CCNA1: variants seen among roughly 807,000 people sequenced by gnomAD.
CCNA1 encodes the protein cyclin-A1.
CCNA1 carries 23 observed loss-of-function variants against 54.1 expected under a neutral mutation model. The ratio of observed to expected loss-of-function variants is 0.42; its 90% CI spans 0.31 to 0.60. CCNA1 has a LOEUF of 0.60. CCNA1 is among the 20% of genes least tolerant of loss of function. The pLI, the probability that CCNA1 is intolerant of heterozygous loss-of-function variation, is 0.14. For synonymous variants in CCNA1, 208 were observed against 213.9 expected (o/e 0.97, Z 0.24); for missense variants, 450 against 556.7 (o/e 0.81, Z 1.93).
chr13:36,436,111 A>C (rs1385750823), intron 2 of CCNA1, among the ~76,000 whole-genome samples: 1 of 152,194 alleles, frequency 6.6e-6, no homozygotes, highest in Non-Finnish European at 1.5e-5. Flanking sequence ...TGATTGGCTT[A>C]CTTACTCTCC....
At chr13:36,431,659 G>C (rs1397991522), upstream of CCNA1, 2 of 152,376 alleles carry the variant, frequency 1.3e-5, no homozygotes, top group Non-Finnish European at 2.9e-5. Flanking sequence ...ACATGCACCG[G>C]GAGCCGGGCG....
chr13:36,440,529 T>A (rs1038617789), intron 6 of CCNA1, among the ~76,000 whole-genome samples: 1 of 152,214 alleles, frequency 6.6e-6, no homozygotes, highest in Admixed American at 6.5e-5. Flanking sequence ...TTTAGTCTCA[T>A]CCTAATATAT....
At chr13:36,435,465 A>C (rs1476238664) in intron 2 of CCNA1, among the ~76,000 whole-genome samples, 1 of 152,184 alleles carries the variant, frequency 6.6e-6, no homozygotes, top group Non-Finnish European at 1.5e-5. Flanking sequence ...TCCTCGACTG[A>C]TCAGCATTAT....
intron 5 of CCNA1, among the ~76,000 whole-genome samples, chr13:36,439,338 G>T (rs1023885747): frequency 6.6e-6 from 1 of 152,166 alleles, no homozygotes; most frequent in Non-Finnish European, 1.5e-5. Context: ...GGAAAAGAGA[G>T]CTGGGTTGTG....
rs766731424 is a variant in CCNA1, at chr13:36,433,150, C to T, written c.226C>T (p.Gln76Ter). The change falls in exon 2 of 9, where the codon CAG becomes TAG. Residue 76 changes from glutamine (Q) to a stop codon, truncating the protein, a stop_gained. Coordinates refer to ENST00000255465, the MANE Select transcript of CCNA1 (RefSeq NM_003914.4). LOFTEE classifies it high-confidence loss of function. ...GATACTCACCAGAGCCCCGCTGGGCCAGGATCCCCCGCAGAGGACAGTGCT... is the reference window on the plus strand; with the variant it reads ...GATACTCACCAGAGCCCCGCTGGGCTAGGATCCCCCGCAGAGGACAGTGCT... 1.9e-6 allele frequency: 3 copies of T among 1,614,194 alleles called. No homozygotes were observed.
At chr13:36,432,382 C>A, upstream of CCNA1, 1 of 290,208 alleles carries the variant, frequency 3.4e-6, no homozygotes, top group South Asian at 5.0e-5. Context: ...CCTGCCCTTC[C>A]CTGCCCTTCC....
rs780245698 is a variant in CCNA1, at chr13:36,442,659, A to G, written c.1392A>G (p.Leu464=). The change falls in exon 9 of 9, where the codon CTA becomes CTG. Residue 464 remains leucine (L), a synonymous_variant. Coordinates refer to ENST00000255465, the MANE Select transcript of CCNA1 (RefSeq NM_003914.4). ...TGGAGCCACCTGCAGTTCTTCTTCT[A>G]CAATAAGTTTCTGAATGGAAGCACT... 7 of 1,613,620 alleles carry G rather than the reference A, an allele frequency of 4.3e-6. No individual in the cohort carries two copies. Among genetic ancestry groups the G allele is most frequent in the Non-Finnish European group, 5.1e-6 (6 of 1,179,786 alleles).
rs746200537 is a variant in CCNA1, at chr13:36,433,160, C to T, written c.236C>T (p.Pro79Leu). 10 of 1,614,088 alleles carry T rather than the reference C, an allele frequency of 6.2e-6. 1 individual carries two copies. The Middle Eastern group carries it at 4.9e-4, about 80-fold the overall frequency. The change falls in exon 2 of 9, where the codon CCG (proline) becomes CTG (leucine). Residue 79 changes from proline (P) to leucine (L), a missense_variant. Pro to Leu is a moderately conservative substitution (Grantham distance 98, BLOSUM62 -3). Coordinates refer to ENST00000255465, the MANE Select transcript of CCNA1 (RefSeq NM_003914.4). ...AGAGCCCCGCTGGGCCAGGATCCCC[C>T]GCAGAGGACAGTGCTAGGGCTGCTA...
In CCNA1 at chr13:36,437,607, A is replaced by G. The variant is rs2055821050; in HGVS notation, c.298-22A>G. ...TGTGGTCTTTGACGTGGCCTCTAACAAAAGATTTAAACGTTTTTTAGGGGA... is the reference window on the plus strand; with the variant it reads ...TGTGGTCTTTGACGTGGCCTCTAACGAAAGATTTAAACGTTTTTTAGGGGA... On this transcript the variant is annotated intron_variant, in intron 2 of 8. Coordinates refer to ENST00000255465, the MANE Select transcript of CCNA1 (RefSeq NM_003914.4). 3 of 1,611,484 alleles carry G rather than the reference A, an allele frequency of 1.9e-6. No homozygotes were observed. In the African/African-American group the frequency reaches 4.0e-5, roughly 22 times the overall value.
At chr13:36,433,415 TTTCTTTCTTTCTTTC>T (rs2055750598) in intron 2 of CCNA1, among the ~76,000 whole-genome samples, 194 bp downstream of exon 2, 1 of 121,640 alleles carries the variant, frequency 8.2e-6, no homozygotes, top group African/African-American at 3.2e-5. Context: ...TCTTTCTTTC[TTTCTTTCTTTCTTTC>T]TTTCTTTCTT....
intron 5 of CCNA1, among the ~76,000 whole-genome samples, chr13:36,439,190 A>G (rs1848433171): frequency 6.6e-6 from 1 of 152,204 alleles, no homozygotes; most frequent in African/African-American, 2.4e-5. Context: ...TCCTATTTAA[A>G]GACAGTGTGG....
Position 36,437,681 on chromosome 13 carries a change from C to T in CCNA1, c.350C>T (p.Ala117Val), listed in dbSNP as rs747082248. Residue 117 changes from alanine (A) to valine (V), a missense_variant, in exon 3 of 9, where the codon GCT becomes GTT. Ala to Val is a moderately conservative substitution (Grantham distance 64). Transcript: ENST00000255465. Reference sequence around the variant, plus strand: ...GGATCAGAAAATGCCTTCCCTCCAGCTGGAAAGAAAGCACTCCCTGACTGT... The same window carrying T: ...GGATCAGAAAATGCCTTCCCTCCAGTTGGAAAGAAAGCACTCCCTGACTGT... 6.2e-7 allele frequency: 1 copy of T among 1,613,910 alleles called. No homozygotes were observed. Among genetic ancestry groups the T allele is most frequent in the African/African-American group, 1.3e-5 (1 of 74,910 alleles).
intron 5 of CCNA1, among the ~76,000 whole-genome samples, chr13:36,439,383 G>A (rs1338205829): frequency 6.6e-6 from 1 of 152,162 alleles, no homozygotes; most frequent in Non-Finnish European, 1.5e-5. Flanking sequence ...TTGCTGAGTG[G>A]TAGTTTCTTT....
intron 6 of CCNA1, 112 bp from the exon 7 acceptor site, chr13:36,441,006 A>G: frequency 3.6e-6 from 2 of 555,654 alleles, no homozygotes; most frequent in Non-Finnish European, 6.4e-6. Flanking sequence ...CTATTTTTGT[A>G]GATGCCGACT....
chr13:36,439,159 TG>T (rs1303660020), intron 5 of CCNA1, among the ~76,000 whole-genome samples: 2 of 152,256 alleles, frequency 1.3e-5, no homozygotes, highest in African/African-American at 4.8e-5. Flanking sequence ...GTAGTCTTTT[TG>T]CTATTTCCTA....
chr13:36,436,219 A>G (rs2055803493), intron 2 of CCNA1, among the ~76,000 whole-genome samples: 3 of 152,220 alleles, frequency 2.0e-5, no homozygotes, highest in African/African-American at 7.2e-5. Context: ...ATAAAAGCCA[A>G]TTCTTAGATC....
At chr13:36,437,558 A>G in intron 2 of CCNA1, 71 bp from the exon 3 acceptor site, 1 of 1,461,076 alleles carries the variant, frequency 6.8e-7, no homozygotes, top group Non-Finnish European at 9.4e-7. Flanking sequence ...TGTTGGTTTG[A>G]GTCATGCAGG....
intron 2 of CCNA1, among the ~76,000 whole-genome samples, chr13:36,433,920 C>T (rs1325867723): frequency 1.3e-5 from 2 of 152,248 alleles, no homozygotes; most frequent in East Asian, 1.9e-4. Flanking sequence ...ATTTTTTCCA[C>T]TATCAAGGAA....
chr13:36,434,846 C>G (rs10220078), intron 2 of CCNA1, among the ~76,000 whole-genome samples: 1 of 146,026 alleles, frequency 6.8e-6, no homozygotes, highest in South Asian at 2.3e-4. Flanking sequence ...CCGCGCCATG[C>G]GTACAATATA....
Sources: gnomAD v4.1 joint callset for allele counts (sites outside exome capture counted in the v4.1 genomes callset) on GRCh38, gnomAD v4.1.1 for gene constraint, MANE v1.5 for transcripts, NCBI Gene and HGNC (gene_info 2026-07-23, HGNC 2026-07-21) for gene names.